Variants in LRP4 observed in about 807,000 individuals in gnomAD.
LRP4 encodes the protein low-density lipoprotein receptor-related protein 4.
A neutral mutation model predicts 220.3 loss-of-function variants in LRP4; 95 were observed. The observed-to-expected ratio is 0.43, with a 90% CI of 0.37 to 0.51. LRP4 has a LOEUF of 0.51. Among genes scored for constraint, LRP4 ranks in the 20% least tolerant of loss-of-function variants. The pLI, the probability that LRP4 is intolerant of heterozygous loss-of-function variation, is 0.00. For missense variants in LRP4, 1,925 were observed against 2,567.0 expected (o/e 0.75, Z 5.40); for synonymous variants, 903 against 954.6 (o/e 0.95, Z 1.00).
intron 34 of LRP4, among the ~76,000 whole-genome samples, chr11:46,867,286 C>T (rs565464699): frequency 6.6e-6 from 1 of 152,026 alleles, no homozygotes; most frequent in South Asian, 2.1e-4. Context: ...TCTGGGGAAA[C>T]CTTTTTGTTC....
rs1480938556 is a variant in LRP4 at position 46,899,744 on chromosome 11, G to T, written c.430+119C>A. ...CTGCCCCCTCTGCGTTCCTCTAGCT[G>T]CTCCAGATATCTGGGCAGTTGGAGG... On this transcript the variant is annotated intron_variant, in intron 4 of 37. Coordinates refer to ENST00000378623, the MANE Select transcript of LRP4 (RefSeq NM_002334.4). The surrounding 1 kb of genome is among the most constrained non-coding windows in gnomAD (Gnocchi z 5.9). 2.2e-6 allele frequency: 2 copies of T among 923,212 alleles called. No individual in the cohort carries two copies. Among genetic ancestry groups the T allele is most frequent in the Non-Finnish European group, 3.6e-6 (2 of 562,914 alleles). 57.2% of individuals were successfully genotyped at this position (923,212 alleles called of 1,614,324 possible).
intron 2 of LRP4, among the ~76,000 whole-genome samples, chr11:46,901,955 G>A (rs1351280918): frequency 2.6e-5 from 4 of 151,764 alleles, no homozygotes; most frequent in Admixed American, 2.0e-4. Context: ...GGATGGTCTC[G>A]ATTTCCTGAC....
At chr11:46,907,844 A>G (rs1480396779) in intron 1 of LRP4, among the ~76,000 whole-genome samples, 1 of 152,208 alleles carries the variant, frequency 6.6e-6, no homozygotes, top group Non-Finnish European at 1.5e-5. Context: ...GGGAATATTA[A>G]CAGTTCTAAC....
chr11:46,902,525 C>T (rs1941686353), intron 2 of LRP4, among the ~76,000 whole-genome samples: 1 of 152,158 alleles, frequency 6.6e-6, no homozygotes, highest in African/African-American at 2.4e-5. Context: ...AAGAAACTCC[C>T]TGTTGTGTTC....
At chr11:46,872,379 G>A (rs965205631) in intron 30 of LRP4, among the ~76,000 whole-genome samples, 1 of 152,168 alleles carries the variant, frequency 6.6e-6, no homozygotes, top group Non-Finnish European at 1.5e-5. Flanking sequence ...TGGATCAGAA[G>A]GGGGCACAGA....
At chr11:46,891,293 T>C (rs888999110) in intron 13 of LRP4, among the ~76,000 whole-genome samples, 3 of 151,918 alleles carry the variant, frequency 2.0e-5, no homozygotes, top group Non-Finnish European at 4.4e-5. Context: ...TTTGTATTTT[T>C]AGTAGAGATG....
chr11:46,909,892 T>C (rs1302587470), intron 1 of LRP4, among the ~76,000 whole-genome samples: 3 of 152,164 alleles, frequency 2.0e-5, no homozygotes, highest in Admixed American at 2.0e-4. Flanking sequence ...AGCCTCTTTG[T>C]CCTACCCAGG....
Position 46,886,294 on chromosome 11 carries a change from C to T in LRP4, c.2424+31G>A, listed in dbSNP as rs759394247. 1.4e-5 allele frequency: 22 copies of T among 1,594,300 alleles called. No homozygotes were observed. The Admixed American group carries it at 3.5e-4, about 26-fold the overall frequency. On this transcript the variant is annotated intron_variant, in intron 17 of 37. Coordinates refer to ENST00000378623, the MANE Select transcript of LRP4 (RefSeq NM_002334.4). ...GCCCTTCCCTGGAGAGGGTGGATTC[C>T]ACCCTTCAACCTCCCCACGCTGGGC...
Position 46,868,018 on chromosome 11 carries a change from G to A in LRP4, c.5048C>T (p.Thr1683Ile). Residue 1683 changes from threonine to isoleucine, a missense_variant, in exon 34 of 38, where the codon ACC (threonine) becomes ATC (isoleucine). This residue lies in a region of LRP4 where 1,244 missense variants were observed against 1,624.9 expected (regional missense o/e 0.77). Transcript: ENST00000378623. ...NTPPTTLYSS[T>I]TRTRTSLEEV... ...CTCCAGAGACGTGCGGGTCCGGGTG[G>A]TTGAAGAATACAAGGTGGTAGGTGG... 6.2e-7 allele frequency: 1 copy of A among 1,614,156 alleles called. No homozygotes were observed. The highest frequency in any genetic ancestry group is 8.5e-7 in the Non-Finnish European group (1 of 1,180,040).
chr11:46,899,497 C>A lies in LRP4; in HGVS notation c.437G>T (p.Arg146Leu). 1 of 1,611,558 alleles carries A rather than the reference C, an allele frequency of 6.2e-7. No homozygotes were observed. The highest frequency in any genetic ancestry group is 8.5e-7 in the Non-Finnish European group (1 of 1,178,130). ...GDNSDEQCDM[R>L]KCSDKEFRCS... is the part of the protein sequence containing the mutation. ...GCGGAACTCCTTGTCGGAGCACTTG[C>A]GCATGTCTGGGGGGATGCGATGGGA... is the stretch of plus-strand genomic sequence containing the variant. The change falls in exon 5 of 38, where the codon CGC becomes CTC. Residue 146 changes from arginine to leucine, a missense_variant. Coordinates refer to ENST00000378623, the MANE Select transcript of LRP4 (RefSeq NM_002334.4). The surrounding 1 kb of genome is among the most constrained non-coding windows in gnomAD (Gnocchi z 5.9).
Position 46,873,010 on chromosome 11 carries a change from T to C in LRP4, c.4583+90A>G, listed in dbSNP as rs1940910328. The C allele has an allele frequency of 6.4e-6, 10 of 1,551,048 alleles. No homozygotes were observed. The highest frequency in any genetic ancestry group is 2.2e-5 in the South Asian group (2 of 89,380). On this transcript the variant is annotated intron_variant, in intron 30 of 37. Coordinates refer to ENST00000378623, the MANE Select transcript of LRP4 (RefSeq NM_002334.4). This position sits in a 1 kb window ranked among gnomAD's most constrained non-coding sequence, Gnocchi z 4.2. The stretch of plus-strand genomic sequence containing the variant: ...CTCTTCCCCACATACCAAGAAGCTT[T>C]CTATCTTTTCATTTTTCCAAGGTTA...
At chr11:46,869,354 G>A (rs1356449266) in intron 31 of LRP4, among the ~76,000 whole-genome samples, 1 of 152,130 alleles carries the variant, frequency 6.6e-6, no homozygotes, top group African/African-American at 2.4e-5. Flanking sequence ...GCACCTTATA[G>A]TCACTTGCCC....
In LRP4 at chr11:46,889,464, G is replaced by T. The variant is rs1449945667; in HGVS notation, c.2162C>A (p.Thr721Asn). The T allele has an allele frequency of 6.2e-7, 1 of 1,613,990 alleles. No individual in the cohort carries two copies. Among genetic ancestry groups the T allele is most frequent in the Non-Finnish European group, 8.5e-7 (1 of 1,180,056 alleles). ...GCGGAAGCCAGTGGGGCAGGCACAG[G>T]TGTAGTTCTGGCCACTGGGCAGACA... ...HLCLPSGQNYTCACPTGFRKI... is the reference protein window; with the variant it reads ...HLCLPSGQNYNCACPTGFRKI... The change falls in exon 16 of 38, where the codon ACC (threonine) becomes AAC (asparagine). Residue 721 changes from threonine to asparagine, a missense_variant. Physicochemically the swap from Thr to Asn is moderately conservative, Grantham distance 65. This residue lies in a region of LRP4 where 1,244 missense variants were observed against 1,624.9 expected (regional missense o/e 0.77). Coordinates refer to ENST00000378623, the MANE Select transcript of LRP4 (RefSeq NM_002334.4).
intron 16 of LRP4, 85 bp downstream of exon 16, chr11:46,889,326 G>A: frequency 2.6e-6 from 4 of 1,563,056 alleles, no homozygotes; most frequent in Middle Eastern, 2.0e-4. Context: ...CCCATGACAG[G>A]CAATCCCTCC....
In LRP4 at chr11:46,890,222, G is replaced by A. The variant is rs1941389176; in HGVS notation, c.1915+55C>T. 6.2e-7 allele frequency: 1 copy of A among 1,604,430 alleles called. No homozygotes were observed. The highest frequency in any genetic ancestry group is 1.3e-5 in the African/African-American group (1 of 74,716). ...AAACCTCTACCAAGGCTCCTGGGGG[G>A]CAGGGACGGGGGCAGGAGGACAAGA... On this transcript the variant is annotated intron_variant, in intron 14 of 37. Coordinates refer to ENST00000378623, the MANE Select transcript of LRP4 (RefSeq NM_002334.4). The surrounding 1 kb of genome is among the most constrained non-coding windows in gnomAD (Gnocchi z 5.3).
At chr11:46,889,310 G>GT in intron 16 of LRP4, 101 bp downstream of exon 16, 6 of 1,522,460 alleles carry the variant, frequency 3.9e-6, no homozygotes, top group Non-Finnish European at 5.4e-6. Context: ...GAGGAATGTG[G>GT]TTTTTCCCAT....
At chr11:46,888,792 G>A (rs552996656) in intron 16 of LRP4, among the ~76,000 whole-genome samples, 15 of 152,138 alleles carry the variant, frequency 9.9e-5, no homozygotes, top group African/African-American at 2.4e-4. Context: ...CCTGCTGGTC[G>A]TGCCATATGC....
rs61749460 is a variant in LRP4, at chr11:46,879,138, G to A, written c.2992C>T (p.Arg998Cys). The A allele has an allele frequency of 6.1e-5, 99 of 1,614,212 alleles. No individual in the cohort carries two copies. In the African/African-American group the frequency reaches 7.3e-4, roughly 12 times the overall value. Residue 998 changes from arginine (R) to cysteine (C), a missense_variant, in exon 21 of 38, where the codon CGC becomes TGC. This residue lies in a region of LRP4 where 1,244 missense variants were observed against 1,624.9 expected (regional missense o/e 0.77). Coordinates refer to ENST00000378623, the MANE Select transcript of LRP4 (RefSeq NM_002334.4). Reference protein sequence around the residue: ...NLMDIHVFHRRRPPVSTPCAM... With the variant: ...NLMDIHVFHRCRPPVSTPCAM... ...AAGGGCTGCTCACCTGGGGGCCGGC[G>A]GCGGTGGAAGACATGGATGTCCATT...
intron 18 of LRP4, among the ~76,000 whole-genome samples, chr11:46,885,500 G>A (rs556221682): frequency 1.7e-4 from 26 of 152,204 alleles, no homozygotes; most frequent in Non-Finnish European, 2.8e-4. Context: ...TTGGCTAGGC[G>A]CGGTGGCTCA....
Sources: gnomAD v4.1 joint callset for allele counts (sites outside exome capture counted in the v4.1 genomes callset) on GRCh38, gnomAD v4.1.1 for gene constraint, gnomAD v4.1.1 regional missense constraint, Gnocchi (gnomAD v3.1) non-coding constraint, MANE v1.5 for transcripts, NCBI Gene and HGNC (gene_info 2026-07-23, HGNC 2026-07-21) for gene names.